ICE1: variants seen among roughly 807,000 people sequenced by gnomAD.
The protein encoded by ICE1 is little elongation complex subunit 1.
ICE1 carries 64 observed loss-of-function variants against 192.7 expected under a neutral mutation model. That is an observed-to-expected ratio of 0.33 (90% CI 0.27 to 0.41). ICE1 has a LOEUF of 0.41. Ranked by LOEUF, ICE1 falls within the 10% of genes least tolerant of loss-of-function variation. The pLI is 1.00. For synonymous variants in ICE1, 1,010 were observed against 984.5 expected (o/e 1.03, Z -0.49); for missense variants, 2,708 against 2,696.0 (o/e 1.00, Z -0.10).
rs542407821 is a variant in ICE1, at chr5:5,432,242, T to C, written c.85-4176T>C. Among the ~76,000 whole-genome samples the C allele has an allele frequency of 2.0e-5, 3 of 152,336 alleles. No individual in the cohort carries two copies. In the East Asian group the frequency reaches 5.8e-4, roughly 29 times the overall value. ...TCTCTGGCAGCCACTGGATTACTTT[T>C]GGCTCTGTTAAGGAAAATTCATATG... On this transcript the variant is annotated intron_variant, in intron 1 of 18. Transcript: ENST00000296564.
intron 10 of ICE1, among the ~76,000 whole-genome samples, chr5:5,451,514 C>T (rs560155967): frequency 1.1e-4 from 17 of 152,100 alleles, no homozygotes; most frequent in African/African-American, 3.9e-4. Context: ...AAAACAGCAC[C>T]AGGATTGAGA....
intron 1 of ICE1, among the ~76,000 whole-genome samples, chr5:5,430,117 A>G (rs1029035012): frequency 6.6e-6 from 1 of 152,168 alleles, no homozygotes; most frequent in Non-Finnish European, 1.5e-5. Context: ...TCTCCTGGAG[A>G]GGAAGAACAC....
intron 17 of ICE1, among the ~76,000 whole-genome samples, chr5:5,483,945 T>C (rs1338161414): frequency 6.6e-6 from 1 of 152,242 alleles, no homozygotes; most frequent in East Asian, 1.9e-4. Flanking sequence ...CTGCTGTCTT[T>C]ATCTTCTAAT....
intron 14 of ICE1, 103 bp downstream of exon 14, chr5:5,466,605 A>G (rs1219622031): frequency 1.0e-6 from 1 of 1,000,552 alleles, no homozygotes; most frequent in Non-Finnish European, 1.4e-6. Context: ...TGTCTTTTAA[A>G]ATAATGTTAT....
rs1231936760 is a variant in ICE1, at chr5:5,489,788, T to A, written c.*458T>A. The A allele has an allele frequency of 6.6e-6, 1 of 152,652 alleles. No homozygotes were observed. The allele number at this position is 152,652 out of a possible 1,614,324, so 9.5% of individuals were successfully genotyped here. ...GGCAAAAACCTAGAGTTTTCTGCTA[T>A]CTTTGCTGGAAATGAGTTGCAAAAG... On this transcript the variant is annotated 3_prime_UTR_variant, in exon 19 of 19. Coordinates refer to ENST00000296564, the MANE Select transcript of ICE1 (RefSeq NM_015325.3).
rs747784192 is a variant in ICE1 at position 5,465,065 on chromosome 5, C to G, written c.5731C>G (p.His1911Asp). 6.2e-7 allele frequency: 1 copy of G among 1,613,800 alleles called. No homozygotes were observed. The highest frequency in any genetic ancestry group is 1.3e-5 in the African/African-American group (1 of 74,928). The change falls in exon 13 of 19, where the codon CAT becomes GAT. Residue 1911 changes from histidine to aspartate, a missense_variant. Transcript: ENST00000296564. ...PLSPKETVES[H>D]DKAIANALKK... Reference sequence around the variant, plus strand: ...AAGCCCAAAAGAAACTGTGGAGTCCCATGATAAAGCCATAGCTAATGCCCT... The same window carrying G: ...AAGCCCAAAAGAAACTGTGGAGTCCGATGATAAAGCCATAGCTAATGCCCT...
rs1388706173 is a variant in ICE1 at position 5,489,338 on chromosome 5, T to TG, written c.*9dup. ...ACAGAGGAGCTTGGCTGACCTGGGA[T>TG]GCCACTGAGGCTTGAGAAGTGCCTT... On this transcript the variant is annotated 3_prime_UTR_variant, in exon 19 of 19. Transcript: ENST00000296564. 1.2e-6 allele frequency: 2 copies of TG among 1,600,926 alleles called. No homozygotes were observed. The highest frequency in any genetic ancestry group is 4.5e-5 in the East Asian group (2 of 44,624).
At position 5,489,905 on chromosome 5, in the gene ICE1, A is replaced by G. The variant is rs973043616; in HGVS notation, c.*575A>G. 1.3e-5 allele frequency: 2 copies of G among 152,228 alleles called. No individual in the cohort carries two copies. Among genetic ancestry groups the G allele is most frequent in the Non-Finnish European group, 2.9e-5 (2 of 68,054 alleles). The allele number at this position is 152,228 out of a possible 1,614,324, so 9.4% of individuals were successfully genotyped here. A position where few individuals can be genotyped will look rare whatever the true frequency, so the allele number is the denominator to read the frequency against. On this transcript the variant is annotated 3_prime_UTR_variant, in exon 19 of 19. Transcript: ENST00000296564. The stretch of plus-strand genomic sequence containing the variant: ...TTTAATGCATTTTCTTCATATCCCT[A>G]AAGTTCCTTAAAAATATGTGACAAT...
At chr5:5,456,440 G>C (rs890977145) in intron 11 of ICE1, among the ~76,000 whole-genome samples, 6 of 152,158 alleles carry the variant, frequency 3.9e-5, no homozygotes, top group African/African-American at 1.4e-4. Context: ...AGGAAGAGCT[G>C]TTCCTTATCT....
chr5:5,473,527 A>C (rs184157835), intron 15 of ICE1, 31 bp from the exon 16 acceptor site: 1 of 1,579,868 alleles, frequency 6.3e-7, no homozygotes, highest in East Asian at 2.2e-5. Context: ...TTGAAACTCC[A>C]GATTTTATTT....
rs370382183 is a variant in ICE1, at chr5:5,464,297, T to G, written c.4963T>G (p.Ser1655Ala). 4 of 1,613,672 alleles carry G rather than the reference T, an allele frequency of 2.5e-6. No individual in the cohort carries two copies. The highest frequency in any genetic ancestry group is 1.3e-5 in the African/African-American group (1 of 74,922). The change falls in exon 13 of 19, where the codon TCG becomes GCG. Residue 1655 changes from serine (S) to alanine (A), a missense_variant. Transcript: ENST00000296564. The surrounding 1 kb of genome is among the most constrained non-coding windows in gnomAD (Gnocchi z 4.0). Reference protein sequence around the residue: ...RTSQPLSPLISSSSPSSPASP... With the variant: ...RTSQPLSPLIASSSPSSPASP... ...TTCACAGCCACTGTCTCCACTGATA[T>G]CGAGTTCTAGTCCTTCCTCACCAGC...
At chr5:5,438,578 T>C (rs1450155490) in intron 3 of ICE1, among the ~76,000 whole-genome samples, 1 of 152,204 alleles carries the variant, frequency 6.6e-6, no homozygotes, top group East Asian at 1.9e-4. Context: ...TTATCACAAC[T>C]TTTAGAAGGC....
chr5:5,449,920 T>G (rs888435791), intron 10 of ICE1, among the ~76,000 whole-genome samples: 4 of 152,186 alleles, frequency 2.6e-5, no homozygotes, highest in African/African-American at 9.6e-5. Flanking sequence ...ATGTAAACCC[T>G]CACAACTGCG....
Position 5,464,915 on chromosome 5 carries a change from G to C in ICE1, c.5581G>C (p.Gly1861Arg), listed in dbSNP as rs1460565818. Residue 1861 changes from glycine to arginine, a missense_variant, in exon 13 of 19, where the codon GGA (glycine) becomes CGA (arginine). By Grantham distance (125) the Gly-to-Arg change is moderately radical. This residue lies in a region of ICE1 where 2,366 missense variants were observed against 2,276.6 expected (regional missense o/e 1.04). Coordinates refer to ENST00000296564, the MANE Select transcript of ICE1 (RefSeq NM_015325.3). This position sits in a 1 kb window ranked among gnomAD's most constrained non-coding sequence, Gnocchi z 4.0. ...TGGGTCCCCAGAACCAGAAACCAGG[G>C]GAGTCACTGCAGAAGGAATCCACAA... ...DTGSPEPETR[G>R]VTAEGIHKNL... 1.2e-6 allele frequency: 2 copies of C among 1,613,432 alleles called. No homozygotes were observed. Among genetic ancestry groups the C allele is most frequent in the African/African-American group, 2.7e-5 (2 of 75,000 alleles).
At chr5:5,475,847 T>TTACAA in intron 16 of ICE1, 126 bp from the exon 17 acceptor site, 2 of 673,520 alleles carry the variant, frequency 3.0e-6, no homozygotes, top group South Asian at 3.4e-5. Flanking sequence ...CTGTTCTCAC[T>TTACAA]TGAACTTACA....
chr5:5,473,877 T>C (rs369711530), intron 16 of ICE1, 129 bp downstream of exon 16: 2 of 646,484 alleles, frequency 3.1e-6, no homozygotes, highest in East Asian at 6.3e-5. Context: ...CAAATTACAC[T>C]GTTTTTATTT....
At chr5:5,451,136 A>G (rs980990220) in intron 10 of ICE1, among the ~76,000 whole-genome samples, 2 of 152,150 alleles carry the variant, frequency 1.3e-5, no homozygotes, top group East Asian at 1.9e-4. Context: ...AAACTTACCT[A>G]ATAACTAAAC....
chr5:5,437,357 AG>A, intron 3 of ICE1: 1 of 388,034 alleles, frequency 2.6e-6, no homozygotes. Context: ...ACGTCTCATA[AG>A]CTTTTTAGTG....
At chr5:5,484,961 C>G (rs753686745) in intron 17 of ICE1, among the ~76,000 whole-genome samples, 13 of 152,160 alleles carry the variant, frequency 8.5e-5, no homozygotes, top group Non-Finnish European at 1.8e-4. Flanking sequence ...ATGGAGGGAA[C>G]AGGATTCCAC....
Sources: gnomAD v4.1 joint callset for allele counts (sites outside exome capture counted in the v4.1 genomes callset) on GRCh38, gnomAD v4.1.1 for gene constraint, gnomAD v4.1.1 regional missense constraint, Gnocchi (gnomAD v3.1) non-coding constraint, MANE v1.5 for transcripts, NCBI Gene and HGNC (gene_info 2026-07-23, HGNC 2026-07-21) for gene names.